Variants in MARCHF1 observed in about 807,000 individuals in gnomAD.
The protein encoded by MARCHF1 is membrane associated ring-CH-type finger 1.
In MARCHF1, 40 loss-of-function variants were observed where a neutral mutation model predicts 54.2. That is an observed-to-expected ratio of 0.74 (90% CI 0.57 to 0.96). The LOEUF (loss-of-function observed/expected upper bound fraction) is 0.96, where lower values mean the gene tolerates loss of function less well. Among genes scored for constraint, MARCHF1 ranks in the 40% least tolerant of loss-of-function variants. The probability of loss-of-function intolerance (pLI) is 0.00; values close to 1 mark genes in which losing one functional copy is unlikely to be tolerated. For missense variants in MARCHF1, 586 were observed against 656.5 expected (o/e 0.89, Z 1.17); for synonymous variants, 236 against 236.3 (o/e 1.00, Z 0.01).
chr4:163,764,494 A>G (rs1189151859), intron 4 of MARCHF1, among the ~76,000 whole-genome samples: 1 of 152,092 alleles, frequency 6.6e-6, no homozygotes, highest in South Asian at 2.1e-4. Flanking sequence ...ACATACATGC[A>G]CATCAAAGAA....
chr4:164,158,395 C>T (rs1730133712), intron 1 of MARCHF1, among the ~76,000 whole-genome samples: 1 of 152,104 alleles, frequency 6.6e-6, no homozygotes, highest in African/African-American at 2.4e-5. Flanking sequence ...TATCTCAGCA[C>T]TTTGGGAGGC....
chr4:163,843,167 G>A (rs1372619852), intron 4 of MARCHF1, among the ~76,000 whole-genome samples: 1 of 152,014 alleles, frequency 6.6e-6, no homozygotes, highest in East Asian at 1.9e-4. Flanking sequence ...GCCTCCAGTT[G>A]CATCCATGTT....
At position 163,929,962 on chromosome 4, in the gene MARCHF1, TA is replaced by T. The variant is rs1246226146; in HGVS notation, c.-39+58538del. Among the ~76,000 whole-genome samples the T allele has an allele frequency of 1.8e-3, 79 of 44,666 alleles. 1 individual carries two copies. Among genetic ancestry groups the T allele is most frequent in the Middle Eastern group, 9.4e-3 (1 of 106 alleles). 29.3% of individuals were successfully genotyped at this position (44,666 alleles called of 152,430 possible). A position where few individuals can be genotyped will look rare whatever the true frequency, so the allele number is the denominator to read the frequency against. On this transcript the variant is annotated intron_variant, in intron 3 of 9. Transcript: ENST00000514618. ...ATATTTATATTATATATATTATATA[TA>T]ATATATATAATATATATAATATATA...
rs576243307 is a variant in MARCHF1, at chr4:163,994,740, T to TACAC, written c.-247-6035_-247-6032dup. Among the ~76,000 whole-genome samples the TACAC allele has an allele frequency of 3.0e-3, 359 of 119,242 alleles. 8 individuals are homozygous for TACAC. Among genetic ancestry groups the TACAC allele is most frequent in the African/African-American group, 8.6e-3 (272 of 31,646 alleles). The allele number at this position is 119,242 out of a possible 152,430, so 78.2% of individuals were successfully genotyped here. ...CCTAACAGTCCTAATCAAGCACACA[T>TACAC]ACACACACACACACACACACACACA... is the stretch of plus-strand genomic sequence containing the variant. On this transcript the variant is annotated intron_variant, in intron 2 of 9. Transcript: ENST00000514618.
intron 4 of MARCHF1, among the ~76,000 whole-genome samples, chr4:163,773,974 G>A (rs534429857): frequency 6.6e-6 from 1 of 151,964 alleles, no homozygotes; most frequent in Admixed American, 6.5e-5. Context: ...TGTTTTTTAT[G>A]CTTTTTGTTA....
intron 5 of MARCHF1, among the ~76,000 whole-genome samples, chr4:163,617,621 A>G (rs1366905327): frequency 6.6e-6 from 1 of 152,156 alleles, no homozygotes; most frequent in Non-Finnish European, 1.5e-5. Context: ...TTAAAACATA[A>G]GAATATCTGT....
At chr4:164,219,826 A>G (rs1451839134) in intron 1 of MARCHF1, among the ~76,000 whole-genome samples, 2 of 152,072 alleles carry the variant, frequency 1.3e-5, no homozygotes, top group African/African-American at 4.8e-5. Flanking sequence ...CTAGGACATT[A>G]TTTAACAAAT....
chr4:163,527,964 G>C lies in MARCHF1; in HGVS notation c.*784C>G, dbSNP rs1738190823. The C allele has an allele frequency of 6.6e-6, 1 of 152,374 alleles. No homozygotes were observed. Among genetic ancestry groups the C allele is most frequent in the East Asian group, 1.9e-4 (1 of 5,192 alleles). The allele number at this position is 152,374 out of a possible 1,614,324, so 9.4% of individuals were successfully genotyped here. A position where few individuals can be genotyped will look rare whatever the true frequency, so the allele number is the denominator to read the frequency against. On this transcript the variant is annotated 3_prime_UTR_variant, in exon 10 of 10. Transcript: ENST00000514618. ...GGGAAGTTAAATATTTGCATCTGTGGCCTGCATTTGTGGCTGTTGTGTTTC... is the reference window on the plus strand; with the variant it reads ...GGGAAGTTAAATATTTGCATCTGTGCCCTGCATTTGTGGCTGTTGTGTTTC...
intron 3 of MARCHF1, among the ~76,000 whole-genome samples, chr4:163,968,478 G>A (rs1012701807): frequency 9.2e-5 from 14 of 152,226 alleles, no homozygotes; most frequent in African/African-American, 2.6e-4. Flanking sequence ...CGAAAACTCA[G>A]AAAAATCTCA....
intron 4 of MARCHF1, among the ~76,000 whole-genome samples, chr4:163,780,977 C>T (rs1579281651): frequency 6.6e-6 from 1 of 152,286 alleles, no homozygotes; most frequent in East Asian, 1.9e-4. Flanking sequence ...GTTGAGATGT[C>T]TTTTACTGCA....
In MARCHF1 at chr4:164,290,372, A is replaced by T. The variant is rs186109105; in HGVS notation, c.-323+93498T>A. Among the ~76,000 whole-genome samples, 13 of 152,178 alleles carry T rather than the reference A, an allele frequency of 8.5e-5. No homozygotes were observed. The South Asian group carries it at 1.4e-3, about 17-fold the overall frequency. On this transcript the variant is annotated intron_variant, in intron 1 of 9. Coordinates refer to ENST00000514618, the MANE Select transcript of MARCHF1 (RefSeq NM_001394959.1). ...AACAAACAAAAAGACATTTCATTAT[A>T]AGAATGTTATATAAACAGTTGAGGT...
At chr4:163,752,594 A>G (rs1346487142) in intron 4 of MARCHF1, among the ~76,000 whole-genome samples, 3 of 152,230 alleles carry the variant, frequency 2.0e-5, no homozygotes, top group African/African-American at 7.2e-5. Flanking sequence ...AAATAGATAC[A>G]GTGTTTGTAG....
chr4:163,615,071 T>C (rs141955878), intron 5 of MARCHF1, among the ~76,000 whole-genome samples: 255 of 152,188 alleles, frequency 1.7e-3, no homozygotes, highest in African/African-American at 5.7e-3. Context: ...TCTAGAACTA[T>C]AAGACGACAA....
intron 2 of MARCHF1, among the ~76,000 whole-genome samples, chr4:164,052,416 C>T (rs1202638211): frequency 6.6e-6 from 1 of 151,952 alleles, no homozygotes; most frequent in African/African-American, 2.4e-5. Context: ...CCTGTAATCC[C>T]ACCTACTATG....
chr4:163,864,527 G>A (rs965374692), intron 3 of MARCHF1, among the ~76,000 whole-genome samples: 1 of 151,842 alleles, frequency 6.6e-6, no homozygotes, highest in Admixed American at 6.6e-5. Context: ...AAAAAAATAC[G>A]AATGAAGTTT....
intron 3 of MARCHF1, among the ~76,000 whole-genome samples, chr4:163,937,584 T>C (rs11725690): frequency 0.11 from 16,362 of 151,904 alleles, 937 homozygotes; most frequent in Non-Finnish European, 0.12. Context: ...TTTCCATTAA[T>C]CTTTGCAGTT....
chr4:163,531,535 C>T (rs951378562), intron 9 of MARCHF1, among the ~76,000 whole-genome samples: 2 of 151,790 alleles, frequency 1.3e-5, no homozygotes, highest in Non-Finnish European at 2.9e-5. Context: ...AGATCAGGAA[C>T]AAGACAAGGA....
chr4:163,891,568 TA>T (rs766255771), intron 3 of MARCHF1, among the ~76,000 whole-genome samples: 4 of 150,782 alleles, frequency 2.7e-5, no homozygotes, highest in Admixed American at 1.3e-4. Flanking sequence ...CAAAAAAAGC[TA>T]AAAAAAAACC....
At chr4:164,325,644 G>A (rs970717424) in intron 1 of MARCHF1, among the ~76,000 whole-genome samples, 10 of 151,810 alleles carry the variant, frequency 6.6e-5, no homozygotes, top group African/African-American at 2.4e-4. Context: ...CAGGAGAATC[G>A]CTTGAACCCA....
Sources: allele counts gnomAD v4.1 joint callset (sites outside exome capture counted in the v4.1 genomes callset), GRCh38; gene constraint gnomAD v4.1.1; transcripts MANE v1.5; gene names NCBI Gene and HGNC (gene_info 2026-07-23, HGNC 2026-07-21).